Variants in SPOP observed in about 807,000 individuals in gnomAD.
SPOP encodes the protein speckle-type POZ protein.
A neutral mutation model predicts 45.6 loss-of-function variants in SPOP; 11 were observed. That is an observed-to-expected ratio of 0.24 (90% CI 0.15 to 0.40). The LOEUF (loss-of-function observed/expected upper bound fraction) is 0.40. SPOP is among the 10% of genes least tolerant of loss of function. The pLI is 1.00. For synonymous variants in SPOP, 166 were observed against 166.3 expected (o/e 1.00, Z 0.01); for missense variants, 152 against 465.6 (o/e 0.33, Z 6.20).
In SPOP at chr17:49,599,586, C is replaced by A; in HGVS notation, c.*792G>T. The A allele has an allele frequency of 9.3e-6, 2 of 214,616 alleles. No individual in the cohort carries two copies. The highest frequency in any genetic ancestry group is 1.9e-5 in the Non-Finnish European group (2 of 106,716). The allele number at this position is 214,616 out of a possible 1,614,324, so 13.3% of individuals were successfully genotyped here. A position where few individuals can be genotyped will look rare whatever the true frequency, so the allele number is the denominator to read the frequency against. On this transcript the variant is annotated 3_prime_UTR_variant, in exon 10 of 10. Transcript: ENST00000504102. The stretch of plus-strand genomic sequence containing the variant: ...AGAGAAAAATGCCCAAAAACATTTT[C>A]CACAATATCTAAAAACAGAGAACCA...
rs146489378 is a variant in SPOP, at chr17:49,610,305, G to A, written c.658+975C>T. On this transcript the variant is annotated intron_variant, in intron 6 of 9. Transcript: ENST00000504102. ...ATGATCTCGGCTCACTGCAACCTCC[G>A]CCTCCAGGGTTCAAGCGATTCTCCT... Among the ~76,000 whole-genome samples the A allele has an allele frequency of 3.5e-3, 526 of 151,542 alleles. 2 individuals are homozygous for A. Among genetic ancestry groups the A allele is most frequent in the Middle Eastern group, 0.024 (7 of 294 alleles).
intron 1 of SPOP, among the ~76,000 whole-genome samples, chr17:49,659,475 G>T (rs1237871329): frequency 6.6e-6 from 1 of 152,032 alleles, no homozygotes; most frequent in Non-Finnish European, 1.5e-5. Flanking sequence ...GTCCACCTCC[G>T]TTACACACAG....
At chr17:49,653,202 T>C (rs2068991239) in intron 1 of SPOP, among the ~76,000 whole-genome samples, 1 of 152,158 alleles carries the variant, frequency 6.6e-6, no homozygotes, top group Non-Finnish European at 1.5e-5. Context: ...TAAAATTGTA[T>C]CTACTTTTCT....
At chr17:49,618,902 C>T (rs2143258071) in intron 5 of SPOP, 79 bp downstream of exon 5, 2 of 1,501,298 alleles carry the variant, frequency 1.3e-6, no homozygotes, top group Non-Finnish European at 1.8e-6. Context: ...TACTCTACAT[C>T]CCTGATACAA....
intron 1 of SPOP, among the ~76,000 whole-genome samples, chr17:49,656,908 G>A (rs150492357): frequency 1.5e-4 from 23 of 152,250 alleles, no homozygotes; most frequent in African/African-American, 4.1e-4. Flanking sequence ...TAGGCCAGGC[G>A]CAGTGGCTCA....
At chr17:49,606,436 T>G (rs1411842768) in intron 8 of SPOP, among the ~76,000 whole-genome samples, 1 of 151,136 alleles carries the variant, frequency 6.6e-6, no homozygotes, top group Non-Finnish European at 1.5e-5. Flanking sequence ...GATTATAGGC[T>G]GGAGGCACTG....
In SPOP at chr17:49,601,845, C is replaced by G; in HGVS notation, c.980+20G>C. The G allele has an allele frequency of 6.2e-7, 1 of 1,612,178 alleles. No homozygotes were observed. ...CTATCCAACTATTTTGAAAGAAGAA[C>G]TTTGAAGATGCCAACTCACTAGTTG... On this transcript the variant is annotated intron_variant, in intron 9 of 9. Coordinates refer to ENST00000504102, the MANE Select transcript of SPOP (RefSeq NM_001007228.2).
chr17:49,611,192 G>A, intron 6 of SPOP, 88 bp downstream of exon 6: 1 of 1,443,958 alleles, frequency 6.9e-7, no homozygotes, highest in African/African-American at 1.4e-5. Flanking sequence ...AGTTCAAAAA[G>A]TTGAAGTTGT....
At chr17:49,603,985 G>C (rs2071788018) in intron 8 of SPOP, among the ~76,000 whole-genome samples, 1 of 152,200 alleles carries the variant, frequency 6.6e-6, no homozygotes, top group African/African-American at 2.4e-5. Flanking sequence ...GGACATGGCA[G>C]AAGTTTAATC....
intron 1 of SPOP, among the ~76,000 whole-genome samples, chr17:49,674,518 T>G (rs374134645): frequency 5.9e-5 from 9 of 152,340 alleles, no homozygotes; most frequent in Admixed American, 1.3e-4. Context: ...CACAGACATA[T>G]TTAATTATTT....
chr17:49,657,860 C>T (rs1018015192), intron 1 of SPOP, among the ~76,000 whole-genome samples: 2 of 151,946 alleles, frequency 1.3e-5, no homozygotes, highest in African/African-American at 4.8e-5. Flanking sequence ...TGTCACCACA[C>T]CCAGCTAATT....
intron 1 of SPOP, among the ~76,000 whole-genome samples, chr17:49,651,675 A>T (rs947371720): frequency 6.6e-6 from 1 of 152,212 alleles, no homozygotes; most frequent in Non-Finnish European, 1.5e-5. Flanking sequence ...TCAAATTATT[A>T]CCAAATATTT....
At chr17:49,648,073 T>C (rs1030386158) in intron 1 of SPOP, among the ~76,000 whole-genome samples, 1 of 152,214 alleles carries the variant, frequency 6.6e-6, no homozygotes. Flanking sequence ...CTATCCTCTT[T>C]ATCAGGAAGT....
chr17:49,671,939 G>C (rs577723083), intron 1 of SPOP, among the ~76,000 whole-genome samples: 1 of 152,134 alleles, frequency 6.6e-6, no homozygotes, highest in Non-Finnish European at 1.5e-5. Flanking sequence ...AGGAGATCGA[G>C]ACCATCCTGG....
At chr17:49,627,886 G>A (rs1477120455) in intron 1 of SPOP, among the ~76,000 whole-genome samples, 1 of 152,074 alleles carries the variant, frequency 6.6e-6, no homozygotes, top group African/African-American at 2.4e-5. Context: ...AGACTCTGAG[G>A]AGCTCTTAAC....
At chr17:49,618,180 G>A (rs1008293955) in intron 5 of SPOP, among the ~76,000 whole-genome samples, 6 of 152,108 alleles carry the variant, frequency 3.9e-5, no homozygotes, top group African/African-American at 1.2e-4. Flanking sequence ...TCAGGAAGTG[G>A]TTCCTCAACC....
At chr17:49,642,074 G>A (rs143066152) in intron 1 of SPOP, among the ~76,000 whole-genome samples, 1,664 of 151,802 alleles carry the variant, frequency 0.011, 18 homozygotes, top group Middle Eastern at 0.021. Context: ...GCCATTGAGG[G>A]CACAAAGAGA....
intron 5 of SPOP, among the ~76,000 whole-genome samples, chr17:49,614,214 G>A (rs1348419441): frequency 6.6e-6 from 1 of 152,108 alleles, no homozygotes; most frequent in Non-Finnish European, 1.5e-5. Flanking sequence ...TACAACAGGA[G>A]CACTATTTCT....
chr17:49,599,391 C>T lies in SPOP; in HGVS notation c.*987G>A. On this transcript the variant is annotated 3_prime_UTR_variant, in exon 10 of 10. Transcript: ENST00000504102. ...AGAAGGAACAGAACTGGCTCCTATG[C>T]AGGCGGCAAGTCAGGTACAAACAGC... The T allele has an allele frequency of 8.9e-6, 2 of 225,566 alleles. No individual in the cohort carries two copies. The allele number at this position is 225,566 out of a possible 1,614,324, so 14.0% of individuals were successfully genotyped here.
Sources: gnomAD v4.1 joint callset for allele counts (sites outside exome capture counted in the v4.1 genomes callset) on GRCh38, gnomAD v4.1.1 for gene constraint, MANE v1.5 for transcripts, NCBI Gene and HGNC (gene_info 2026-07-23, HGNC 2026-07-21) for gene names.